NRXN3: variants seen among roughly 807,000 people sequenced by gnomAD.
The protein encoded by NRXN3 is neurexin III.
In NRXN3, 32 loss-of-function variants were observed where a neutral mutation model predicts 137.6. The ratio of observed to expected loss-of-function variants is 0.23; its 90% CI spans 0.18 to 0.31. The LOEUF is 0.31. Ranked by LOEUF, NRXN3 falls within the 10% of genes least tolerant of loss-of-function variation. The pLI, the probability that NRXN3 is intolerant of heterozygous loss-of-function variation, is 1.00. For synonymous variants in NRXN3, 798 were observed against 784.5 expected, an observed-to-expected ratio of 1.02 and a Z score of -0.29; for missense variants, 1,574 against 2,062.5, an observed-to-expected ratio of 0.76 and a Z score of 4.59.
chr14:79,360,654 T>A lies in NRXN3; in HGVS notation c.3263-106567T>A, dbSNP rs761414282. Among the ~76,000 whole-genome samples, 12 of 152,228 alleles carry A rather than the reference T, an allele frequency of 7.9e-5. 1 individual carries two copies. Among genetic ancestry groups the A allele is most frequent in the Admixed American group, 5.2e-4 (8 of 15,286 alleles). ...ATAGCTCATGGAGTTTTTATTTATT[T>A]ATTTATTCTTTAAAAATGGTCACAA... On this transcript the variant is annotated intron_variant, in intron 15 of 20. Coordinates refer to ENST00000335750, the MANE Select transcript of NRXN3 (RefSeq NM_001330195.2).
At chr14:78,839,999 A>G (rs1000958447) in intron 10 of NRXN3, among the ~76,000 whole-genome samples, 1 of 152,232 alleles carries the variant, frequency 6.6e-6, no homozygotes, top group African/African-American at 2.4e-5. Context: ...TTAATGCAAG[A>G]TCCAAGAATA....
At chr14:79,260,296 A>G (rs1171510279) in intron 15 of NRXN3, among the ~76,000 whole-genome samples, 1 of 152,184 alleles carries the variant, frequency 6.6e-6, no homozygotes, top group Non-Finnish European at 1.5e-5. Flanking sequence ...TCTAGCTAAA[A>G]CTGAGTAGTG....
chr14:79,070,483 A>C (rs1470635818), intron 15 of NRXN3, among the ~76,000 whole-genome samples: 2 of 152,208 alleles, frequency 1.3e-5, no homozygotes, highest in African/African-American at 4.8e-5. Context: ...AAGAGTCTTC[A>C]ATGCTTTTTG....
At chr14:78,649,194 G>A (rs1381211740) in intron 5 of NRXN3, 16 of 1,082,772 alleles carry the variant, frequency 1.5e-5, no homozygotes, top group Admixed American at 2.3e-5. Context: ...ACTCATCTTT[G>A]TTTTTAGTTT....
At chr14:79,844,939 G>T (rs73336370) in intron 20 of NRXN3, among the ~76,000 whole-genome samples, 6,118 of 152,218 alleles carry the variant, frequency 0.04, 412 homozygotes, top group African/African-American at 0.14. Context: ...CTGTTGTTTA[G>T]TGTAGCCACT....
At chr14:79,484,247 A>G (rs1213562951) in intron 16 of NRXN3, among the ~76,000 whole-genome samples, 3 of 151,970 alleles carry the variant, frequency 2.0e-5, no homozygotes, top group Admixed American at 6.6e-5. Context: ...TCTCTTTTGG[A>G]TGTTTGGTGA....
intron 19 of NRXN3, among the ~76,000 whole-genome samples, chr14:79,777,931 GA>G (rs113744621): frequency 2.1e-3 from 294 of 139,732 alleles, no homozygotes; most frequent in East Asian, 0.012. Context: ...AGATTTTACA[GA>G]AAAAAAAAAA....
intron 15 of NRXN3, among the ~76,000 whole-genome samples, chr14:79,362,480 GAAAT>G (rs1391343106): frequency 6.6e-6 from 1 of 151,990 alleles, no homozygotes; most frequent in Non-Finnish European, 1.5e-5. Context: ...TTATTGGAGG[GAAAT>G]AAATATATAT....
At chr14:78,803,847 C>A in intron 9 of NRXN3, 24 bp downstream of exon 9, 1 of 1,595,826 alleles carries the variant, frequency 6.3e-7, no homozygotes, top group Non-Finnish European at 8.6e-7. Context: ...TACCCTCTGC[C>A]ACTTCGTTTG....
chr14:79,623,676 A>C (rs1027085244), intron 16 of NRXN3, among the ~76,000 whole-genome samples: 2 of 152,226 alleles, frequency 1.3e-5, no homozygotes, highest in South Asian at 4.1e-4. Flanking sequence ...ATTTGCCTGC[A>C]GATTTCATTC....
chr14:78,283,205 G>C (rs986799803), intron 3 of NRXN3: 5 of 152,302 alleles, frequency 3.3e-5, no homozygotes, highest in Admixed American at 6.5e-5. Context: ...GTCTGCGCTG[G>C]TCACTGTTCA....
At position 78,170,640 on chromosome 14, in the gene NRXN3, C is replaced by G. The variant is rs2058634433; in HGVS notation, c.-738C>G. 1 of 152,224 alleles carries G rather than the reference C, an allele frequency of 6.6e-6. No homozygotes were observed. The highest frequency in any genetic ancestry group is 2.1e-4 in the South Asian group (1 of 4,834). The allele number at this position is 152,224 out of a possible 1,614,324, so 9.4% of individuals were successfully genotyped here. On this transcript the variant is annotated 5_prime_UTR_variant, in exon 1 of 21. Transcript: ENST00000335750. ...GTTGATTAAACATCAAACAGACATA[C>G]AGACAGATCCCAAATCTTCTGTTCA...
At chr14:78,840,113 G>A (rs1349163859) in intron 10 of NRXN3, among the ~76,000 whole-genome samples, 1 of 152,142 alleles carries the variant, frequency 6.6e-6, no homozygotes, top group African/African-American at 2.4e-5. Flanking sequence ...TAAAATATCT[G>A]TCTTTCTTCT....
At chr14:79,774,951 T>C (rs147638011) in intron 19 of NRXN3, among the ~76,000 whole-genome samples, 258 of 152,222 alleles carry the variant, frequency 1.7e-3, no homozygotes, top group Non-Finnish European at 3.1e-3. Flanking sequence ...TATGTGTGTG[T>C]GTGTAGGTGT....
chr14:78,890,817 G>A (rs1205575205), intron 10 of NRXN3, among the ~76,000 whole-genome samples: 7 of 151,840 alleles, frequency 4.6e-5, no homozygotes, highest in Non-Finnish European at 8.8e-5. Flanking sequence ...CAGTGTCATG[G>A]GTTAAGGTGT....
Position 79,648,302 on chromosome 14 carries a change from A to G in NRXN3, c.3445-15476A>G, listed in dbSNP as rs2098460869. Among the ~76,000 whole-genome samples, 2 of 135,726 alleles carry G rather than the reference A, an allele frequency of 1.5e-5. 1 individual carries two copies. The highest frequency in any genetic ancestry group is 1.6e-4 in the Admixed American group (2 of 12,880). The allele number at this position is 135,726 out of a possible 152,430, so 89.0% of individuals were successfully genotyped here. ...ATTAGCGGGGACTGTGGTGAATTGG[A>G]AAACCTGTGCCTTTCTCTCCCAATC... On this transcript the variant is annotated intron_variant, in intron 16 of 20. Transcript: ENST00000335750.
At chr14:79,724,977 C>T (rs1301159881) in intron 19 of NRXN3, among the ~76,000 whole-genome samples, 1 of 152,022 alleles carries the variant, frequency 6.6e-6, no homozygotes, top group Non-Finnish European at 1.5e-5. Flanking sequence ...TTGAGGTGAT[C>T]AAATGAGGAA....
At chr14:79,508,903 T>C (rs551301544) in intron 16 of NRXN3, among the ~76,000 whole-genome samples, 8 of 152,086 alleles carry the variant, frequency 5.3e-5, no homozygotes, top group Non-Finnish European at 1.2e-4. Flanking sequence ...TAATCAATAA[T>C]AATGCTAACC....
intron 15 of NRXN3, among the ~76,000 whole-genome samples, chr14:79,267,726 C>T (rs2078658600): frequency 6.6e-6 from 1 of 152,014 alleles, no homozygotes; most frequent in African/African-American, 2.4e-5. Context: ...CAAGTGATTC[C>T]CCCTGACTTG....
Sources: allele counts gnomAD v4.1 joint callset (sites outside exome capture counted in the v4.1 genomes callset), GRCh38; gene constraint gnomAD v4.1.1; transcripts MANE v1.5; gene names NCBI Gene and HGNC (gene_info 2026-07-23, HGNC 2026-07-21).